Variants in MARCHF1 observed in about 807,000 individuals in gnomAD.
MARCHF1 encodes the protein membrane associated ring-CH-type finger 1, also known as E3 ubiquitin-protein ligase MARCHF1.
MARCHF1 carries 40 observed loss-of-function variants against 54.2 expected under a neutral mutation model. The observed-to-expected ratio is 0.74, with a 90% confidence interval of 0.57 to 0.96. MARCHF1 has a LOEUF of 0.96. MARCHF1 is among the 40% of genes least tolerant of loss of function. The probability of loss-of-function intolerance (pLI) is 0.00; values close to 1 mark genes in which losing one functional copy is unlikely to be tolerated. For missense variants in MARCHF1, 586 were observed against 656.5 expected, an observed-to-expected ratio of 0.89 and a Z score of 1.17; for synonymous variants, 236 against 236.3, an observed-to-expected ratio of 1.00 and a Z score of 0.01.
rs556768361 is a variant in MARCHF1, at chr4:164,302,544, GCCTAATAATA to G, written c.-323+81316_-323+81325del. Among the ~76,000 whole-genome samples the G allele has an allele frequency of 3.0e-3, 452 of 152,172 alleles. 4 individuals are homozygous for G. The highest frequency in any genetic ancestry group is 0.01 in the African/African-American group (430 of 41,522). On this transcript the variant is annotated intron_variant, in intron 1 of 9. Coordinates refer to ENST00000514618, the MANE Select transcript of MARCHF1 (RefSeq NM_001394959.1). ...TACAGAACATAAGCCTGGGAAAAATGCCTAATAATACTTTTTAAATGTTTGTAAATTATAT... is the reference window on the plus strand; with the variant it reads ...TACAGAACATAAGCCTGGGAAAAATGCTTTTTAAATGTTTGTAAATTATAT...
chr4:164,056,913 T>C (rs1311699124), intron 2 of MARCHF1, among the ~76,000 whole-genome samples: 2 of 152,090 alleles, frequency 1.3e-5, no homozygotes, highest in Non-Finnish European at 2.9e-5. Flanking sequence ...GCTCTCACAC[T>C]GACCCAGCAA....
At chr4:163,534,268 T>G (rs958506414) in intron 9 of MARCHF1, among the ~76,000 whole-genome samples, 1 of 152,100 alleles carries the variant, frequency 6.6e-6, no homozygotes, top group Non-Finnish European at 1.5e-5. Context: ...TCATGGTTCC[T>G]AACACCACAA....
intron 2 of MARCHF1, among the ~76,000 whole-genome samples, chr4:164,075,269 G>A (rs1187388479): frequency 6.6e-6 from 1 of 152,174 alleles, no homozygotes; most frequent in Admixed American, 6.5e-5. Context: ...AACCCAAACT[G>A]TATCCACACC....
At chr4:164,203,971 T>G (rs142840650) in intron 1 of MARCHF1, among the ~76,000 whole-genome samples, 81 of 152,344 alleles carry the variant, frequency 5.3e-4, no homozygotes, top group Non-Finnish European at 1.1e-3. Context: ...AAAATATGTA[T>G]TCACACATCT....
At chr4:164,254,312 TATAC>T (rs71600695) in intron 1 of MARCHF1, among the ~76,000 whole-genome samples, 17,390 of 100,036 alleles carry the variant, frequency 0.17, 1,588 homozygotes, top group African/African-American at 0.35. Context: ...GAACTAATAG[TATAC>T]ATATATATAT....
chr4:163,875,734 G>T (rs1419456017), intron 3 of MARCHF1, among the ~76,000 whole-genome samples: 2 of 152,124 alleles, frequency 1.3e-5, no homozygotes, highest in East Asian at 3.9e-4. Context: ...TTTGCAAATT[G>T]TTAAGACTCT....
chr4:163,641,918 AC>A (rs1742568287), intron 5 of MARCHF1, among the ~76,000 whole-genome samples: 2 of 152,102 alleles, frequency 1.3e-5, no homozygotes, highest in African/African-American at 4.8e-5. Flanking sequence ...AGGATGTTGA[AC>A]TGAAGGTCAA....
At position 163,736,445 on chromosome 4, in the gene MARCHF1, T is replaced by G. The variant is rs548976826; in HGVS notation, c.112-35582A>C. 3.5e-3 allele frequency among the ~76,000 whole-genome samples: 524 copies of G among 151,652 alleles called. 6 individuals are homozygous for G. The highest frequency in any genetic ancestry group is 0.012 in the African/African-American group (494 of 41,424). On this transcript the variant is annotated intron_variant, in intron 4 of 9. Transcript: ENST00000514618. ...TCAAAACTGTATGCAATTTAAAACTTATACATTGTTTAAATTCTAGAATTT... is the reference window on the plus strand; with the variant it reads ...TCAAAACTGTATGCAATTTAAAACTGATACATTGTTTAAATTCTAGAATTT...
chr4:164,263,016 A>G (rs1039744076), intron 1 of MARCHF1, among the ~76,000 whole-genome samples: 1 of 152,192 alleles, frequency 6.6e-6, no homozygotes, highest in Non-Finnish European at 1.5e-5. Context: ...GGCTTCAGGA[A>G]GGGGAGAGAG....
intron 2 of MARCHF1, among the ~76,000 whole-genome samples, chr4:164,100,878 A>G (rs1428500945): frequency 6.6e-6 from 1 of 152,200 alleles, no homozygotes; most frequent in African/African-American, 2.4e-5. Flanking sequence ...GGAGTGCCAG[A>G]CAGTGGGCGC....
At chr4:163,940,759 C>T (rs1331928071) in intron 3 of MARCHF1, among the ~76,000 whole-genome samples, 5 of 152,102 alleles carry the variant, frequency 3.3e-5, no homozygotes, top group Non-Finnish European at 4.4e-5. Context: ...AAAAAGGACA[C>T]AGTATATATC....
chr4:164,104,292 G>T (rs1267465848), intron 2 of MARCHF1, among the ~76,000 whole-genome samples: 1 of 116,234 alleles, frequency 8.6e-6, no homozygotes, highest in Non-Finnish European at 1.8e-5. Context: ...TGATACCAAA[G>T]CCGGGCAGAG....
At chr4:164,241,870 G>C (rs12511867) in intron 1 of MARCHF1, among the ~76,000 whole-genome samples, 1 of 151,590 alleles carries the variant, frequency 6.6e-6, no homozygotes, top group Non-Finnish European at 1.5e-5. Flanking sequence ...GGTGACGGAT[G>C]GCACCTGGAA....
chr4:163,902,738 CA>C (rs1281611457), intron 3 of MARCHF1, among the ~76,000 whole-genome samples: 15 of 152,134 alleles, frequency 9.9e-5, no homozygotes, highest in African/African-American at 3.6e-4. Flanking sequence ...AGAAAGCTTC[CA>C]ATTGCCAGTC....
chr4:163,796,289 C>T (rs1056007015), intron 4 of MARCHF1, among the ~76,000 whole-genome samples: 24 of 142,136 alleles, frequency 1.7e-4, no homozygotes, highest in African/African-American at 5.5e-4. Flanking sequence ...TGCAGTGGCA[C>T]GATCACAGCT....
chr4:164,009,411 T>G (rs1753370226), intron 2 of MARCHF1, among the ~76,000 whole-genome samples: 1 of 152,050 alleles, frequency 6.6e-6, no homozygotes, highest in African/African-American at 2.4e-5. Flanking sequence ...TTTTACAAAT[T>G]AAAGAGGAGG....
intron 8 of MARCHF1, chr4:163,555,910 C>T (rs572931121): frequency 8.8e-6 from 4 of 456,152 alleles, no homozygotes; most frequent in African/African-American, 8.0e-5. Context: ...ACTCTCTGTG[C>T]CTAAGTGATC....
intron 8 of MARCHF1, among the ~76,000 whole-genome samples, chr4:163,579,939 G>A (rs1008010330): frequency 6.6e-6 from 1 of 152,006 alleles, no homozygotes; most frequent in Non-Finnish European, 1.5e-5. Flanking sequence ...TAATTAAAAA[G>A]AATGCCAAAG....
At chr4:164,026,523 C>T (rs1753771471) in intron 2 of MARCHF1, among the ~76,000 whole-genome samples, 1 of 151,828 alleles carries the variant, frequency 6.6e-6, no homozygotes, top group South Asian at 2.1e-4. Flanking sequence ...AAAAATATTT[C>T]AATAAAATCC....
Sources: allele counts gnomAD v4.1 joint callset (sites outside exome capture counted in the v4.1 genomes callset), GRCh38; gene constraint gnomAD v4.1.1; transcripts MANE v1.5; gene names NCBI Gene and HGNC (gene_info 2026-07-23, HGNC 2026-07-21).